Variants in RPRD1A observed in about 807,000 individuals in gnomAD.
RPRD1A encodes regulation of nuclear pre-mRNA domain containing 1A.
Under a neutral mutation model 37.8 loss-of-function variants are expected in RPRD1A, and 9 were observed. The observed-to-expected ratio is 0.24, with a 90% CI of 0.14 to 0.42. The LOEUF is 0.42. RPRD1A is among the 10% of genes least tolerant of loss of function. The pLI, the probability that RPRD1A is intolerant of heterozygous loss-of-function variation, is 1.00. For missense variants in RPRD1A, 255 were observed against 371.0 expected, an observed-to-expected ratio of 0.69 and a Z score of 2.57; for synonymous variants, 138 against 139.7, an observed-to-expected ratio of 0.99 and a Z score of 0.08.
chr18:36,049,459 G>A (rs1009519264), intron 1 of RPRD1A, among the ~76,000 whole-genome samples: 1 of 152,074 alleles, frequency 6.6e-6, no homozygotes, highest in Admixed American at 6.5e-5. Context: ...TAGGGAGTTG[G>A]TGGTCTTGCT....
chr18:36,010,855 G>C (rs1910135097), intron 6 of RPRD1A, among the ~76,000 whole-genome samples: 4 of 152,200 alleles, frequency 2.6e-5, no homozygotes. Flanking sequence ...AAGTAGGCTT[G>C]ACTCAGATAA....
intron 1 of RPRD1A, among the ~76,000 whole-genome samples, chr18:36,049,301 G>A (rs533092468): frequency 9.8e-5 from 15 of 152,288 alleles, no homozygotes; most frequent in African/African-American, 2.9e-4. Context: ...CTTTTAATGT[G>A]CACATTAGGA....
intron 1 of RPRD1A, among the ~76,000 whole-genome samples, chr18:36,049,915 C>T (rs1452283881): frequency 5.3e-5 from 8 of 152,070 alleles, no homozygotes; most frequent in African/African-American, 1.9e-4. Flanking sequence ...AGCAGCTGCA[C>T]CATTTTATAT....
At chr18:36,011,342 G>A (rs1255988530) in intron 6 of RPRD1A, among the ~76,000 whole-genome samples, 1 of 152,168 alleles carries the variant, frequency 6.6e-6, no homozygotes, top group Non-Finnish European at 1.5e-5. Flanking sequence ...AAGCTAATCT[G>A]CCCATCCAAA....
chr18:36,067,140 G>A (rs1180254620), intron 1 of RPRD1A, 114 bp downstream of exon 1: 3 of 1,170,322 alleles, frequency 2.6e-6, no homozygotes, highest in Non-Finnish European at 3.6e-6. Flanking sequence ...GCAGACCACC[G>A]CGCGCTGGCA....
At position 36,007,629 on chromosome 18, in the gene RPRD1A, C is replaced by T. The variant is rs552256690; in HGVS notation, c.790-14329G>A. ...ACCACCAAAATCAACATCATAATTTCCAGATCGATCTACTAAAAACTAAAT... is the reference window on the plus strand; with the variant it reads ...ACCACCAAAATCAACATCATAATTTTCAGATCGATCTACTAAAAACTAAAT... On this transcript the variant is annotated intron_variant, in intron 6 of 6. Transcript: ENST00000399022. 7.9e-5 allele frequency among the ~76,000 whole-genome samples: 12 copies of T among 152,204 alleles called. No homozygotes were observed. In the East Asian group the frequency reaches 2.3e-3, roughly 29 times the overall value.
At chr18:36,030,302 T>C (rs1486392430) in intron 4 of RPRD1A, among the ~76,000 whole-genome samples, 2 of 137,612 alleles carry the variant, frequency 1.5e-5, no homozygotes, top group Non-Finnish European at 3.1e-5. Flanking sequence ...CTGGCCAACA[T>C]GGTGAAACCC....
intron 6 of RPRD1A, among the ~76,000 whole-genome samples, chr18:36,021,722 G>C (rs1457873129): frequency 6.6e-6 from 1 of 152,210 alleles, no homozygotes; most frequent in Non-Finnish European, 1.5e-5. Flanking sequence ...CTCCAGGCCT[G>C]GTGTGGTGGC....
At chr18:36,059,758 C>A (rs59250739) in intron 1 of RPRD1A, among the ~76,000 whole-genome samples, 17,613 of 152,146 alleles carry the variant, frequency 0.12, 1,261 homozygotes, top group East Asian at 0.25. Context: ...ACATAGTAAT[C>A]AATTGCAATA....
intron 1 of RPRD1A, among the ~76,000 whole-genome samples, chr18:36,044,485 C>T (rs573014926): frequency 3.1e-4 from 47 of 152,018 alleles, no homozygotes; most frequent in African/African-American, 1.1e-3. Context: ...GACATGAGTT[C>T]GAGACCAGCC....
At chr18:35,999,199 G>A (rs956266658) in intron 6 of RPRD1A, among the ~76,000 whole-genome samples, 1 of 152,136 alleles carries the variant, frequency 6.6e-6, no homozygotes, top group Non-Finnish European at 1.5e-5. Flanking sequence ...AGGGGACTGA[G>A]TATTAACAGT....
chr18:35,993,734 G>C (rs1045222145), intron 6 of RPRD1A, among the ~76,000 whole-genome samples: 1 of 152,136 alleles, frequency 6.6e-6, no homozygotes, highest in Non-Finnish European at 1.5e-5. Flanking sequence ...TCTAAGCAAG[G>C]AGGGTCCACT....
At position 35,992,687 on chromosome 18, in the gene RPRD1A, T is replaced by C. The variant is rs930685966; in HGVS notation, c.*464A>G. The C allele has an allele frequency of 2.6e-5, 4 of 152,676 alleles. No homozygotes were observed. The highest frequency in any genetic ancestry group is 9.7e-5 in the African/African-American group (4 of 41,450). 9.5% of individuals were successfully genotyped at this position (152,676 alleles called of 1,614,324 possible). ...TTTGGGGAGAAGGGTAAAGATTATG[T>C]TGGAACATTTAGTCCCTTCTACAAT... On this transcript the variant is annotated 3_prime_UTR_variant, in exon 7 of 7. Transcript: ENST00000399022.
chr18:36,061,463 T>C (rs914462410), intron 1 of RPRD1A, among the ~76,000 whole-genome samples: 3 of 152,200 alleles, frequency 2.0e-5, no homozygotes, highest in African/African-American at 7.2e-5. Context: ...CTACAAAGAA[T>C]TTCCTCCTAT....
chr18:35,997,011 C>G (rs1161744937), intron 6 of RPRD1A, among the ~76,000 whole-genome samples: 1 of 139,330 alleles, frequency 7.2e-6, no homozygotes, highest in Non-Finnish European at 1.5e-5. Context: ...AAAGAACTAT[C>G]TGTAATTTAA....
intron 6 of RPRD1A, among the ~76,000 whole-genome samples, chr18:36,024,052 C>T (rs962496723): frequency 4.6e-5 from 7 of 152,152 alleles, no homozygotes; most frequent in African/African-American, 1.4e-4. Flanking sequence ...CTTTCAACTT[C>T]ATAATGGTAA....
At chr18:36,041,293 G>C (rs1391820257) in intron 1 of RPRD1A, among the ~76,000 whole-genome samples, 2 of 151,934 alleles carry the variant, frequency 1.3e-5, no homozygotes, top group Non-Finnish European at 2.9e-5. Context: ...CTTTTAAAAG[G>C]CCCTAAACTT....
At chr18:36,014,611 C>T (rs963005145) in intron 6 of RPRD1A, among the ~76,000 whole-genome samples, 15 of 152,038 alleles carry the variant, frequency 9.9e-5, no homozygotes, top group Non-Finnish European at 1.5e-4. Flanking sequence ...GGTGTGGTGG[C>T]GGGCGCCTAT....
In RPRD1A at chr18:36,004,000, C is replaced by CTTTT. The variant is rs34397005; in HGVS notation, c.790-10704_790-10701dup. 6.2e-3 allele frequency among the ~76,000 whole-genome samples: 526 copies of CTTTT among 85,196 alleles called. 1 individual carries two copies. The highest frequency in any genetic ancestry group is 0.01 in the Middle Eastern group (1 of 100). The allele number at this position is 85,196 out of a possible 152,430, so 55.9% of individuals were successfully genotyped here. On this transcript the variant is annotated intron_variant, in intron 6 of 6. Transcript: ENST00000399022. Reference sequence around the variant, plus strand: ...AGGGAGACAGACAGACAGACACAGACTTTTTTTTTTTTTTTTTTTTTTTTG... The same window carrying CTTTT: ...AGGGAGACAGACAGACAGACACAGACTTTTTTTTTTTTTTTTTTTTTTTTTTTTG...
Sources: allele counts gnomAD v4.1 joint callset (sites outside exome capture counted in the v4.1 genomes callset), GRCh38; gene constraint gnomAD v4.1.1; transcripts MANE v1.5; gene names NCBI Gene and HGNC (gene_info 2026-07-23, HGNC 2026-07-21).